GATM: variants seen among roughly 807,000 people sequenced by gnomAD.
GATM encodes the protein glycine amidinotransferase, also known as glycine amidinotransferase, mitochondrial.
A neutral mutation model predicts 54.2 loss-of-function variants in GATM; 23 were observed. The observed-to-expected ratio is 0.42, with a 90% CI of 0.31 to 0.60. The LOEUF is 0.60. GATM is among the 20% of genes least tolerant of loss of function. GATM has a pLI of 0.14. For missense variants in GATM, 401 were observed against 544.9 expected, an observed-to-expected ratio of 0.74 and a Z score of 2.63; for synonymous variants, 168 against 183.1, an observed-to-expected ratio of 0.92 and a Z score of 0.67.
intron 6 of GATM, 72 bp from the exon 7 acceptor site, chr15:45,364,932 C>T: frequency 8.4e-7 from 1 of 1,185,856 alleles, no homozygotes; most frequent in South Asian, 1.2e-5. Context: ...TCTCTAATAG[C>T]CCTTATCAGT....
At chr15:45,363,602 C>CACCT in intron 8 of GATM, 1 of 499,876 alleles carries the variant, frequency 2.0e-6, no homozygotes, top group Non-Finnish European at 3.5e-6. Context: ...GCTATCTGCT[C>CACCT]ACCTGCAAAG....
chr15:45,366,975 A>G (rs1889460019), intron 4 of GATM, among the ~76,000 whole-genome samples: 2 of 152,186 alleles, frequency 1.3e-5, no homozygotes, highest in South Asian at 4.1e-4. Flanking sequence ...AAATATATAG[A>G]GTTCAGTATC....
chr15:45,367,913 T>A (rs533295558), intron 4 of GATM, among the ~76,000 whole-genome samples, 157 bp downstream of exon 4: 4 of 152,214 alleles, frequency 2.6e-5, no homozygotes, highest in Admixed American at 1.3e-4. Context: ...TTTACTCTTA[T>A]CATATTCATC....
At chr15:45,390,998 A>T (rs920498882) in intron 3 of GATM, among the ~76,000 whole-genome samples, 4 of 152,240 alleles carry the variant, frequency 2.6e-5, no homozygotes, top group Non-Finnish European at 5.9e-5. Flanking sequence ...TGAGCAAGTC[A>T]CTTAATCTCT....
chr15:45,366,293 T>G, intron 5 of GATM, 78 bp downstream of exon 5: 2 of 1,606,964 alleles, frequency 1.2e-6, no homozygotes, highest in Non-Finnish European at 1.7e-6. Context: ...TGAAAAAAAT[T>G]TAGGATGAAA....
intron 2 of GATM, among the ~76,000 whole-genome samples, chr15:45,374,355 T>C (rs1889592904): frequency 6.6e-6 from 1 of 152,226 alleles, no homozygotes; most frequent in Non-Finnish European, 1.5e-5. Flanking sequence ...AATCGCATGA[T>C]ATGAAAGTCT....
In GATM at chr15:45,378,510, T is replaced by G; in HGVS notation, c.-57A>C. On this transcript the variant is annotated 5_prime_UTR_variant, in exon 1 of 9. Coordinates refer to ENST00000396659, the MANE Select transcript of GATM (RefSeq NM_001482.3). ...GTTCCTGGCCTCTGGGCCGCGTCGG[T>G]CCAAGCCTTCCCGAGAGCGCGCCCG... is the stretch of plus-strand genomic sequence containing the variant. 7.8e-7 allele frequency: 1 copy of G among 1,278,968 alleles called. No individual in the cohort carries two copies. The highest frequency in any genetic ancestry group is 9.9e-7 in the Non-Finnish European group (1 of 1,005,090). 79.2% of individuals were successfully genotyped at this position (1,278,968 alleles called of 1,614,324 possible). A position where few individuals can be genotyped will look rare whatever the true frequency, so the allele number is the denominator to read the frequency against.
At chr15:45,380,056 G>C (rs1420262440), upstream of GATM, 2 of 149,136 alleles carry the variant, frequency 1.3e-5, no homozygotes, top group African/African-American at 2.5e-5. Context: ...CCCGGGAGGT[G>C]GAGCTTGTAG....
rs534689079 is a variant in GATM, at chr15:45,388,719, C to T, written c.-319+8203G>A. 1.1e-4 allele frequency among the ~76,000 whole-genome samples: 16 copies of T among 152,252 alleles called. No homozygotes were observed. The East Asian group carries it at 2.7e-3, about 26-fold the overall frequency. On this transcript the variant is annotated intron_variant, in intron 3 of 4. Coordinates refer to the GATM transcript ENST00000561148. ...TACCGAGATGATGTGCCCTTTTCATCGTATCGTATCAGGTAGTATGTAATA... is the reference window on the plus strand; with the variant it reads ...TACCGAGATGATGTGCCCTTTTCATTGTATCGTATCAGGTAGTATGTAATA...
chr15:45,372,325 T>C (rs1595484584), intron 2 of GATM, among the ~76,000 whole-genome samples: 3 of 152,214 alleles, frequency 2.0e-5, no homozygotes, highest in African/African-American at 7.2e-5. Context: ...AATCATTAAT[T>C]AGCTCTTTTA....
chr15:45,364,142 T>C, intron 7 of GATM, 126 bp from the exon 8 acceptor site: 1 of 727,690 alleles, frequency 1.4e-6, no homozygotes, highest in African/African-American at 1.7e-5. Flanking sequence ...TGTGAACATT[T>C]ATTTTAATCT....
Position 45,400,445 on chromosome 15 carries a change from T to C in GATM, c.-529-850A>G, listed in dbSNP as rs1419473229. Among the ~76,000 whole-genome samples the C allele has an allele frequency of 5.9e-5, 9 of 152,304 alleles. No individual in the cohort carries two copies. In the East Asian group the frequency reaches 1.7e-3, roughly 29 times the overall value. ...GAAGGCCCAGTAACAGAATTCCTTGTTGCTTTTGTTTGCAACCTATGGTAA... is the reference window on the plus strand; with the variant it reads ...GAAGGCCCAGTAACAGAATTCCTTGCTGCTTTTGTTTGCAACCTATGGTAA... On this transcript the variant is annotated intron_variant, in intron 1 of 4. Transcript: ENST00000561148.
At position 45,376,607 on chromosome 15, in the gene GATM, C is replaced by T. The variant is rs141223762; in HGVS notation, c.282G>A (p.Glu94=). 478 of 1,613,968 alleles carry T rather than the reference C, an allele frequency of 3.0e-4. No homozygotes were observed. The highest frequency in any genetic ancestry group is 3.9e-4 in the Non-Finnish European group (465 of 1,180,002). Reference sequence around the variant, plus strand: ...GTGAATAGCCTTCCTTTACCTTCACCTCGATGGTGAACGGTGGAACACAGG... The same window carrying T: ...GTGAATAGCCTTCCTTTACCTTCACTTCGATGGTGAACGGTGGAACACAGG... The part of the protein sequence containing the change: ...ENACVPPFTI[E]VKANTYEKYW... The change falls in exon 2 of 9, where the codon GAG becomes GAA. Residue 94 remains glutamate (E), a synonymous_variant. Coordinates refer to ENST00000396659, the MANE Select transcript of GATM (RefSeq NM_001482.3).
At chr15:45,381,517 AAAC>A (rs1159938496), upstream of GATM, among the ~76,000 whole-genome samples, 1 of 152,360 alleles carries the variant, frequency 6.6e-6, no homozygotes, top group African/African-American at 2.4e-5. Context: ...TTAACAAAAT[AAAC>A]AACAAAAGAG....
chr15:45,386,438 T>G (rs943976676), intron 3 of GATM, among the ~76,000 whole-genome samples: 5 of 152,206 alleles, frequency 3.3e-5, no homozygotes, highest in African/African-American at 7.2e-5. Flanking sequence ...TAGAAACAAC[T>G]CTTGTTGTCA....
At chr15:45,381,851 A>T (rs1177004849), upstream of GATM, among the ~76,000 whole-genome samples, 1 of 152,180 alleles carries the variant, frequency 6.6e-6, no homozygotes, top group African/African-American at 2.4e-5. Context: ...TAAAGCTGCA[A>T]TTTTTTTAGA....
intron 3 of GATM, among the ~76,000 whole-genome samples, chr15:45,388,724 C>T (rs989420037): frequency 1.3e-5 from 2 of 152,144 alleles, no homozygotes; most frequent in Non-Finnish European, 1.5e-5. Flanking sequence ...TTCATCGTAT[C>T]GTATCAGGTA....
At chr15:45,375,149 C>T (rs746499839) in intron 2 of GATM, among the ~76,000 whole-genome samples, 1 of 152,200 alleles carries the variant, frequency 6.6e-6, no homozygotes, top group Non-Finnish European at 1.5e-5. Context: ...CAGCTCACGG[C>T]AACCTCTGCC....
intron 2 of GATM, among the ~76,000 whole-genome samples, chr15:45,372,092 TA>T (rs563228995): frequency 1.3e-5 from 2 of 152,144 alleles, no homozygotes; most frequent in Non-Finnish European, 2.9e-5. Flanking sequence ...CAGAGGCTGG[TA>T]AAAAAAGGTC....
Sources: allele counts gnomAD v4.1 joint callset (sites outside exome capture counted in the v4.1 genomes callset), GRCh38; gene constraint gnomAD v4.1.1; transcripts MANE v1.5; gene names NCBI Gene and HGNC (gene_info 2026-07-23, HGNC 2026-07-21).